PPP3CA: variants seen among roughly 807,000 people sequenced by gnomAD.
The protein encoded by PPP3CA is protein phosphatase 3 catalytic subunit alpha.
Under a neutral mutation model 66.5 loss-of-function variants are expected in PPP3CA, and 14 were observed. The observed-to-expected ratio is 0.21, with a 90% confidence interval of 0.14 to 0.33. The LOEUF is 0.33. PPP3CA is among the 10% of genes least tolerant of loss of function. The pLI is 1.00. For synonymous variants in PPP3CA, 232 were observed against 226.2 expected (o/e 1.03, Z -0.23); for missense variants, 317 against 639.5 (o/e 0.50, Z 5.44).
At chr4:101,051,125 A>G (rs1727989986) in intron 10 of PPP3CA, among the ~76,000 whole-genome samples, 1 of 152,172 alleles carries the variant, frequency 6.6e-6, no homozygotes, top group African/African-American at 2.4e-5. Context: ...CTACATTTCT[A>G]TTTCTACAGA....
At chr4:101,116,346 C>T (rs1257024732) in intron 2 of PPP3CA, among the ~76,000 whole-genome samples, 1 of 151,874 alleles carries the variant, frequency 6.6e-6, no homozygotes, top group Non-Finnish European at 1.5e-5. Flanking sequence ...TGTTAAAGAA[C>T]TAAATTTATG....
intron 2 of PPP3CA, among the ~76,000 whole-genome samples, chr4:101,142,342 G>C (rs1722836553): frequency 6.6e-6 from 1 of 152,192 alleles, no homozygotes; most frequent in South Asian, 2.1e-4. Context: ...GCTGCTTAGT[G>C]AATCAGAAAA....
Position 101,106,414 on chromosome 4 carries a change from AAAG to A in PPP3CA, c.384+2537_384+2539del, listed in dbSNP as rs1393744140. Reference sequence around the variant, plus strand: ...GAAAGAAAGAAAGAAAGAAAGAAAGAAAGAAAGAAAGAAAGAAAGAAAGAAAGA... The same window carrying A: ...GAAAGAAAGAAAGAAAGAAAGAAAGAAAAGAAAGAAAGAAAGAAAGAAAGA... On this transcript the variant is annotated intron_variant, in intron 3 of 13. Coordinates refer to ENST00000394854, the MANE Select transcript of PPP3CA (RefSeq NM_000944.5). Among the ~76,000 whole-genome samples, 9 of 10,962 alleles carry A rather than the reference AAAG, an allele frequency of 8.2e-4. 1 individual carries two copies. The highest frequency in any genetic ancestry group is 2.4e-3 in the African/African-American group (8 of 3,290). The allele number at this position is 10,962 out of a possible 152,430, so 7.2% of individuals were successfully genotyped here. A position where few individuals can be genotyped will look rare whatever the true frequency, so the allele number is the denominator to read the frequency against.
intron 1 of PPP3CA, among the ~76,000 whole-genome samples, chr4:101,301,881 T>C (rs529376204): frequency 6.6e-4 from 99 of 150,920 alleles, no homozygotes; most frequent in Non-Finnish European, 1.3e-3. Context: ...GATAATGATC[T>C]AATTAAAATA....
chr4:101,052,832 T>C (rs972703422), intron 10 of PPP3CA, among the ~76,000 whole-genome samples: 1 of 152,036 alleles, frequency 6.6e-6, no homozygotes, highest in Non-Finnish European at 1.5e-5. Flanking sequence ...TCAAAATTCA[T>C]AAAAGTTTAT....
intron 8 of PPP3CA, among the ~76,000 whole-genome samples, chr4:101,067,413 T>C (rs906794046): frequency 1.3e-4 from 19 of 151,802 alleles, no homozygotes; most frequent in Non-Finnish European, 2.9e-5. Flanking sequence ...CATAGTGAAG[T>C]CCAAAGAATA....
At chr4:101,294,421 TTAAG>T (rs1728127159) in intron 1 of PPP3CA, among the ~76,000 whole-genome samples, 1 of 152,210 alleles carries the variant, frequency 6.6e-6, no homozygotes, top group African/African-American at 2.4e-5. Flanking sequence ...ATGACACACA[TTAAG>T]TTTTACCAAA....
intron 10 of PPP3CA, among the ~76,000 whole-genome samples, chr4:101,044,422 G>A (rs1332520250): frequency 6.6e-6 from 1 of 152,068 alleles, no homozygotes; most frequent in Non-Finnish European, 1.5e-5. Flanking sequence ...ATGTACCACA[G>A]TAGCTCAAAT....
At chr4:101,056,527 T>G (rs1244111365) in intron 10 of PPP3CA, among the ~76,000 whole-genome samples, 2 of 152,182 alleles carry the variant, frequency 1.3e-5, no homozygotes, top group Non-Finnish European at 2.9e-5. Context: ...AGTCATGGAC[T>G]GTAGAGTAAC....
chr4:101,079,223 G>A (rs1729326998), intron 8 of PPP3CA, among the ~76,000 whole-genome samples: 1 of 152,164 alleles, frequency 6.6e-6, no homozygotes, highest in Admixed American at 6.5e-5. Flanking sequence ...GGGCCAGGAA[G>A]ACACCCATCA....
At chr4:101,236,325 C>T (rs1376374524) in intron 1 of PPP3CA, among the ~76,000 whole-genome samples, 2 of 151,970 alleles carry the variant, frequency 1.3e-5, no homozygotes, top group African/African-American at 4.8e-5. Flanking sequence ...ATTCTAGGCA[C>T]AGAAAACAGC....
At chr4:101,071,180 T>C (rs1453764362) in intron 8 of PPP3CA, among the ~76,000 whole-genome samples, 1 of 152,212 alleles carries the variant, frequency 6.6e-6, no homozygotes, top group Non-Finnish European at 1.5e-5. Flanking sequence ...GGAGGTATTT[T>C]GAAACTGGTG....
chr4:101,215,219 C>T lies in PPP3CA; in HGVS notation c.59-19103G>A, dbSNP rs191285469. 4.6e-3 allele frequency among the ~76,000 whole-genome samples: 696 copies of T among 151,740 alleles called. 4 individuals are homozygous for T. Among genetic ancestry groups the T allele is most frequent in the South Asian group, 0.026 (123 of 4,814 alleles). ...TTACATTTACCAAATGTAGTATGTG[C>T]GTTGAAGCCAAAAAGAGAAATCTGT... On this transcript the variant is annotated intron_variant, in intron 1 of 13. Transcript: ENST00000394854.
At chr4:101,280,599 C>G (rs1727648743) in intron 1 of PPP3CA, among the ~76,000 whole-genome samples, 1 of 152,096 alleles carries the variant, frequency 6.6e-6, no homozygotes. Context: ...GCGGGTGGAT[C>G]ACCTGAGGTC....
chr4:101,262,855 T>C (rs1837773), intron 1 of PPP3CA, among the ~76,000 whole-genome samples: 100,373 of 152,008 alleles, frequency 0.66, 34,157 homozygotes, highest in Non-Finnish European at 0.75. Context: ...AGAAAATTTG[T>C]ATTAAGCTTT....
At chr4:101,249,709 C>T (rs1045111749) in intron 1 of PPP3CA, among the ~76,000 whole-genome samples, 1 of 152,058 alleles carries the variant, frequency 6.6e-6, no homozygotes, top group Non-Finnish European at 1.5e-5. Context: ...ATTTACATTG[C>T]TTTGCTTTAT....
At chr4:101,240,046 A>T (rs200697347) in intron 1 of PPP3CA, among the ~76,000 whole-genome samples, 1 of 50,636 alleles carries the variant, frequency 2.0e-5, no homozygotes, top group Non-Finnish European at 4.7e-5. Context: ...TTTTGGGGGG[A>T]GCGGGGGGGA....
chr4:101,312,154 T>A (rs1728742296), intron 1 of PPP3CA, among the ~76,000 whole-genome samples: 1 of 152,170 alleles, frequency 6.6e-6, no homozygotes, highest in Non-Finnish European at 1.5e-5. Context: ...CATATACTTT[T>A]GATTAAACTG....
chr4:101,212,813 T>G (rs1725339395), intron 1 of PPP3CA, among the ~76,000 whole-genome samples: 1 of 152,028 alleles, frequency 6.6e-6, no homozygotes, highest in African/African-American at 2.4e-5. Flanking sequence ...ATTTCCCAAC[T>G]ATAATTCTGG....
Sources: allele counts gnomAD v4.1 joint callset (sites outside exome capture counted in the v4.1 genomes callset), GRCh38; gene constraint gnomAD v4.1.1; transcripts MANE v1.5; gene names NCBI Gene and HGNC (gene_info 2026-07-23, HGNC 2026-07-21).